Variants in ASIC2 observed in about 807,000 individuals in gnomAD.
The protein encoded by ASIC2 is acid-sensing ion channel 2.
ASIC2 carries 25 observed loss-of-function variants against 57.3 expected under a neutral mutation model. That is an observed-to-expected ratio of 0.44 (90% confidence interval 0.32 to 0.61). ASIC2 has a LOEUF of 0.61. ASIC2 is among the 20% of genes least tolerant of loss of function. ASIC2 has a pLI of 0.06. For synonymous variants in ASIC2, 319 were observed against 307.5 expected (o/e 1.04, Z -0.39); for missense variants, 641 against 738.1 (o/e 0.87, Z 1.52).
chr17:33,292,381 C>T lies in ASIC2; in HGVS notation c.-266G>A. Reference sequence around the variant, plus strand: ...TCTCCCGAGCGCCTCCCAGGCTTTCCCGGCCCCTGGTCTTCCTGGAGGATG... The same window carrying T: ...TCTCCCGAGCGCCTCCCAGGCTTTCTCGGCCCCTGGTCTTCCTGGAGGATG... On this transcript the variant is annotated 5_prime_UTR_variant, in exon 1 of 10. Transcript: ENST00000225823. The T allele has an allele frequency of 1.0e-6, 1 of 986,058 alleles. No homozygotes were observed. The allele number at this position is 986,058 out of a possible 1,614,324, so 61.1% of individuals were successfully genotyped here. A position where few individuals can be genotyped will look rare whatever the true frequency, so the allele number is the denominator to read the frequency against.
chr17:33,944,728 C>G lies in ASIC2; in HGVS notation c.555+211250G>C, dbSNP rs557819386. Among the ~76,000 whole-genome samples, 7 of 152,310 alleles carry G rather than the reference C, an allele frequency of 4.6e-5. 1 individual carries two copies. In the South Asian group the frequency reaches 1.5e-3, roughly 32 times the overall value. ...TGTACTGAGAATGAGATGAGCTAAT[C>G]GTGCTGAAAGTCCATTGCACACTGC... On this transcript the variant is annotated intron_variant, in intron 1 of 9. Coordinates refer to the ASIC2 transcript ENST00000359872.
intron 1 of ASIC2, among the ~76,000 whole-genome samples, chr17:33,809,209 C>T (rs1051643159): frequency 5.3e-5 from 8 of 152,234 alleles, no homozygotes; most frequent in African/African-American, 1.7e-4. Context: ...ATTGATCTGC[C>T]TCTAGGCCCA....
At chr17:33,395,521 C>T (rs144877635) in intron 1 of ASIC2, among the ~76,000 whole-genome samples, 162 of 152,250 alleles carry the variant, frequency 1.1e-3, no homozygotes, top group African/African-American at 3.8e-3. Flanking sequence ...CTCACTGGGT[C>T]CCTCCCACAA....
At chr17:34,032,809 C>T (rs1484112475) in intron 1 of ASIC2, among the ~76,000 whole-genome samples, 2 of 152,188 alleles carry the variant, frequency 1.3e-5, no homozygotes. Context: ...ACAAGAAGAG[C>T]TAACTATCCT....
At chr17:33,350,604 C>G (rs566962232) in intron 1 of ASIC2, among the ~76,000 whole-genome samples, 2 of 151,854 alleles carry the variant, frequency 1.3e-5, no homozygotes, top group Non-Finnish European at 2.9e-5. Context: ...ATGGCTTGAA[C>G]CCGGGAAGCA....
intron 1 of ASIC2, among the ~76,000 whole-genome samples, chr17:33,729,723 A>G (rs1909679911): frequency 1.3e-5 from 2 of 152,192 alleles, no homozygotes; most frequent in Non-Finnish European, 2.9e-5. Context: ...TGCAGTGAGA[A>G]GTCAATGAGT....
intron 1 of ASIC2, among the ~76,000 whole-genome samples, chr17:33,254,598 T>A (rs1450026533): frequency 6.6e-6 from 1 of 152,148 alleles, no homozygotes; most frequent in Non-Finnish European, 1.5e-5. Flanking sequence ...CTTCTCCATC[T>A]AGTTGACCTC....
chr17:33,414,946 C>T (rs1005603484), intron 1 of ASIC2, among the ~76,000 whole-genome samples: 2 of 152,204 alleles, frequency 1.3e-5, no homozygotes, highest in East Asian at 3.9e-4. Flanking sequence ...AACCAGGCTA[C>T]TGCTAGTTCA....
intron 1 of ASIC2, among the ~76,000 whole-genome samples, chr17:33,677,004 G>A (rs1286100678): frequency 6.6e-6 from 1 of 152,164 alleles, no homozygotes; most frequent in Non-Finnish European, 1.5e-5. Context: ...GCCATGTGAA[G>A]TACCCGCTCC....
At chr17:33,677,591 G>A (rs1158425269) in intron 1 of ASIC2, among the ~76,000 whole-genome samples, 1 of 152,170 alleles carries the variant, frequency 6.6e-6, no homozygotes, top group Non-Finnish European at 1.5e-5. Flanking sequence ...TTTAGTGGGA[G>A]TTTGAAAGAG....
intron 3 of ASIC2, among the ~76,000 whole-genome samples, chr17:33,035,924 T>C (rs1040542315): frequency 3.9e-5 from 6 of 152,230 alleles, no homozygotes; most frequent in African/African-American, 1.4e-4. Flanking sequence ...TTCTGGTTTC[T>C]TAACTTAATG....
chr17:33,136,386 G>A (rs371715197), intron 1 of ASIC2, among the ~76,000 whole-genome samples: 25 of 152,326 alleles, frequency 1.6e-4, no homozygotes, highest in African/African-American at 6.0e-4. Context: ...AAAGTGTATA[G>A]AATGTTATAT....
chr17:34,112,737 C>A (rs909338504), intron 1 of ASIC2, among the ~76,000 whole-genome samples: 41 of 145,690 alleles, frequency 2.8e-4, no homozygotes, highest in African/African-American at 1.1e-3. Flanking sequence ...CTCCCTGAAG[C>A]CTCTTAGGAT....
At chr17:33,701,927 A>G (rs989115158) in intron 1 of ASIC2, among the ~76,000 whole-genome samples, 2 of 152,200 alleles carry the variant, frequency 1.3e-5, no homozygotes, top group Non-Finnish European at 1.5e-5. Flanking sequence ...CCGATGGACA[A>G]TTTGTCTAAG....
chr17:33,137,191 T>C (rs1333224526), intron 1 of ASIC2, among the ~76,000 whole-genome samples: 2 of 152,266 alleles, frequency 1.3e-5, no homozygotes, highest in African/African-American at 4.8e-5. Flanking sequence ...CCCAAAATAC[T>C]ACTTCTATGA....
intron 1 of ASIC2, 140 bp downstream of exon 1, chr17:33,291,268 G>A: frequency 7.1e-7 from 1 of 1,417,106 alleles, no homozygotes; most frequent in Non-Finnish European, 9.2e-7. Flanking sequence ...GGGGACCCAA[G>A]AATGGGTTCT....
At chr17:33,440,589 G>C (rs1911789152) in intron 1 of ASIC2, among the ~76,000 whole-genome samples, 1 of 152,092 alleles carries the variant, frequency 6.6e-6, no homozygotes, top group Admixed American at 6.5e-5. Context: ...AAAGAAAGAG[G>C]GTTCCAATTT....
intron 3 of ASIC2, among the ~76,000 whole-genome samples, chr17:33,088,562 C>A (rs1300606116): frequency 6.9e-5 from 10 of 145,540 alleles, no homozygotes; most frequent in African/African-American, 5.2e-5. Context: ...ATCCCCTGGC[C>A]AAAAAAAAAA....
chr17:33,903,307 C>T (rs904501028), intron 1 of ASIC2, among the ~76,000 whole-genome samples: 7 of 152,146 alleles, frequency 4.6e-5, no homozygotes, highest in African/African-American at 1.2e-4. Flanking sequence ...AAAATTCCAG[C>T]CAGCAATCTC....
Sources: gnomAD v4.1 joint callset for allele counts (sites outside exome capture counted in the v4.1 genomes callset) on GRCh38, gnomAD v4.1.1 for gene constraint, MANE v1.5 for transcripts, NCBI Gene and HGNC (gene_info 2026-07-23, HGNC 2026-07-21) for gene names.